The following RIMS1 variants were observed in gnomAD, a reference collection of about 807,000 sequenced individuals.
RIMS1 encodes the protein regulating synaptic membrane exocytosis protein 1.
In RIMS1, 83 loss-of-function variants were observed where a neutral mutation model predicts 214.1. The observed-to-expected ratio is 0.39, with a 90% CI of 0.32 to 0.47. RIMS1 has a LOEUF of 0.47. Among genes scored for constraint, RIMS1 ranks in the 20% least tolerant of loss-of-function variants. The probability of loss-of-function intolerance (pLI) is 0.99; values close to 1 mark genes in which losing one functional copy is unlikely to be tolerated. For synonymous variants in RIMS1, 793 were observed against 786.8 expected, an observed-to-expected ratio of 1.01 and a Z score of -0.13; for missense variants, 2,050 against 2,161.8, an observed-to-expected ratio of 0.95 and a Z score of 1.03.
chr6:72,400,653 C>G lies in RIMS1; in HGVS notation c.5018C>G (p.Thr1673Ser), dbSNP rs1429522636. 25 of 1,613,808 alleles carry G rather than the reference C, an allele frequency of 1.5e-5. No individual in the cohort carries two copies. Among genetic ancestry groups the G allele is most frequent in the African/African-American group, 4.0e-5 (3 of 74,906 alleles). The stretch of plus-strand genomic sequence containing the variant: ...GTGGATCCCACACTCACTCCCCTCA[C>G]CCGGCGGGCTTCCCAGTCATCTCTG... ...SLVDPTLTPLTRRASQSSLES... is the reference protein window; with the variant it reads ...SLVDPTLTPLSRRASQSSLES... Residue 1673 changes from threonine (T) to serine (S), a missense_variant, in exon 34 of 34, where the codon ACC becomes AGC. Transcript: ENST00000521978.
intron 26 of RIMS1, among the ~76,000 whole-genome samples, chr6:72,304,920 T>A (rs992153403): frequency 6.6e-6 from 1 of 151,920 alleles, no homozygotes; most frequent in Non-Finnish European, 1.5e-5. Flanking sequence ...CAGGGGAGTC[T>A]ACTCATCATT....
chr6:72,260,947 C>A, intron 19 of RIMS1, 180 bp downstream of exon 19: 1 of 1,412,088 alleles, frequency 7.1e-7, no homozygotes. Flanking sequence ...ATTTCAGTTC[C>A]GATTCAGGCT....
chr6:72,156,690 G>T (rs2044487703), intron 4 of RIMS1, among the ~76,000 whole-genome samples: 1 of 140,092 alleles, frequency 7.1e-6, no homozygotes, highest in Non-Finnish European at 1.6e-5. Flanking sequence ...TTGATACCTT[G>T]ATTGTGGTAA....
intron 28 of RIMS1, 98 bp downstream of exon 28, chr6:72,313,770 C>A: frequency 1.6e-6 from 2 of 1,218,152 alleles, no homozygotes; most frequent in Non-Finnish European, 2.3e-6. Context: ...CAGTTTAGGT[C>A]ACAGTGGGTT....
At chr6:72,322,299 A>G (rs1007110404) in intron 28 of RIMS1, among the ~76,000 whole-genome samples, 4 of 152,146 alleles carry the variant, frequency 2.6e-5, no homozygotes, top group Admixed American at 1.3e-4. Context: ...CAGGTCTGCC[A>G]TTCTGTGGCA....
At chr6:72,140,300 C>T (rs1289406465) in intron 4 of RIMS1, among the ~76,000 whole-genome samples, 1 of 151,982 alleles carries the variant, frequency 6.6e-6, no homozygotes. Flanking sequence ...CTGTATAATC[C>T]TATCTGCCAA....
intron 2 of RIMS1, among the ~76,000 whole-genome samples, chr6:72,028,857 C>T (rs1817286253): frequency 6.6e-6 from 1 of 152,096 alleles, no homozygotes; most frequent in Admixed American, 6.6e-5. Flanking sequence ...TATTGCGCAC[C>T]TTCTGTGTGC....
rs200935038 is a variant in RIMS1, at chr6:71,887,051, C to T, written c.28C>T (p.Pro10Ser). ...GTCCTCGGCCGTGGGGCCCCGCGGT[C>T]CTCGCCCACCCACGGTGCCTCCCCC... MSSAVGPRG[P>S]RPPTVPPPMQ... Residue 10 changes from proline to serine, a missense_variant, in exon 1 of 34, where the codon CCT becomes TCT. Pro to Ser is a moderately conservative substitution (Grantham distance 74, BLOSUM62 -1). Around this residue, in one of 6 missense-constraint regions of RIMS1, gnomAD observed 882 missense variants for 828.9 expected, o/e 1.06. Coordinates refer to ENST00000521978, the MANE Select transcript of RIMS1 (RefSeq NM_014989.7). The T allele has an allele frequency of 1.3e-4, 217 of 1,613,446 alleles. No individual in the cohort carries two copies. The East Asian group carries it at 3.8e-3, about 28-fold the overall frequency.
chr6:72,111,133 C>T (rs1193313714), intron 4 of RIMS1, among the ~76,000 whole-genome samples: 1 of 152,110 alleles, frequency 6.6e-6, no homozygotes, highest in East Asian at 1.9e-4. Context: ...GGATAATTGG[C>T]ATTGTCTTAT....
At chr6:72,023,704 C>T (rs1297624499) in intron 2 of RIMS1, among the ~76,000 whole-genome samples, 4 of 151,894 alleles carry the variant, frequency 2.6e-5, no homozygotes, top group Non-Finnish European at 2.9e-5. Flanking sequence ...AGAATTGTTA[C>T]ATAGTATCGT....
chr6:72,094,271 G>A (rs1282120246), intron 2 of RIMS1, among the ~76,000 whole-genome samples: 1 of 152,164 alleles, frequency 6.6e-6, no homozygotes, highest in Admixed American at 6.5e-5. Context: ...TGGTAGAAGA[G>A]AGGTGTTATG....
rs61445573 is a variant in RIMS1 at position 71,963,222 on chromosome 6, A to AT, written c.165-5759dup. Reference sequence around the variant, plus strand: ...GGCTGCCTGGAATGGTGGAAAGGACATTAGTTTTAATACCAAACCAACCTT... The same window carrying AT: ...GGCTGCCTGGAATGGTGGAAAGGACATTTAGTTTTAATACCAAACCAACCTT... On this transcript the variant is annotated intron_variant, in intron 1 of 33. Transcript: ENST00000521978. Among the ~76,000 whole-genome samples the AT allele has an allele frequency of 3.7e-3, 565 of 152,276 alleles. 2 individuals are homozygous for AT. Among genetic ancestry groups the AT allele is most frequent in the African/African-American group, 0.013 (548 of 41,564 alleles).
intron 6 of RIMS1, among the ~76,000 whole-genome samples, chr6:72,231,934 T>C (rs1019161404): frequency 6.6e-6 from 1 of 151,694 alleles, no homozygotes; most frequent in African/African-American, 2.4e-5. Flanking sequence ...AACCGCCATA[T>C]GAGAAATTGG....
At chr6:72,387,080 C>A (rs919077379) in intron 29 of RIMS1, among the ~76,000 whole-genome samples, 1 of 152,110 alleles carries the variant, frequency 6.6e-6, no homozygotes, top group Non-Finnish European at 1.5e-5. Context: ...AATCTACGCT[C>A]CTTTAAAGCA....
intron 4 of RIMS1, among the ~76,000 whole-genome samples, chr6:72,146,602 T>C (rs954605391): frequency 6.6e-6 from 1 of 152,224 alleles, no homozygotes; most frequent in African/African-American, 2.4e-5. Flanking sequence ...AACCAAATAA[T>C]AACCTTTTGA....
chr6:71,930,895 A>ATT (rs1782831445), intron 1 of RIMS1, among the ~76,000 whole-genome samples: 2 of 152,042 alleles, frequency 1.3e-5, no homozygotes, highest in Non-Finnish European at 2.9e-5. Context: ...CACAAAGACC[A>ATT]GCATCTACTC....
chr6:72,101,808 A>G (rs946995351), intron 4 of RIMS1, among the ~76,000 whole-genome samples: 4 of 151,940 alleles, frequency 2.6e-5, no homozygotes, highest in Non-Finnish European at 5.9e-5. Flanking sequence ...TATTTTCCAT[A>G]TCAGCAATAT....
intron 4 of RIMS1, among the ~76,000 whole-genome samples, chr6:72,154,073 T>C (rs1210532649): frequency 1.3e-5 from 2 of 152,032 alleles, no homozygotes; most frequent in Non-Finnish European, 2.9e-5. Flanking sequence ...GCAGAGTGCT[T>C]GATTCCTGGA....
At chr6:72,252,911 G>C (rs534952627) in intron 16 of RIMS1, 79 bp downstream of exon 16, 384 of 980,204 alleles carry the variant, frequency 3.9e-4, no homozygotes, top group Middle Eastern at 8.3e-4. Context: ...ACCTCTTTAG[G>C]ATACTAAACT....
Sources: gnomAD v4.1 joint callset for allele counts (sites outside exome capture counted in the v4.1 genomes callset) on GRCh38, gnomAD v4.1.1 for gene constraint, gnomAD v4.1.1 regional missense constraint, MANE v1.5 for transcripts, NCBI Gene and HGNC (gene_info 2026-07-23, HGNC 2026-07-21) for gene names.